Variants in TAF6L observed in about 807,000 individuals in gnomAD.
The protein encoded by TAF6L is TAF6-like RNA polymerase II p300/CBP-associated factor-associated factor 65 kDa subunit 6L.
TAF6L carries 34 observed loss-of-function variants against 57.3 expected under a neutral mutation model. The ratio of observed to expected loss-of-function variants is 0.59; its 90% CI spans 0.45 to 0.79. TAF6L has a LOEUF of 0.79. Ranked by LOEUF, TAF6L falls within the 30% of genes least tolerant of loss-of-function variation. The probability of loss-of-function intolerance (pLI) is 0.00; values close to 1 mark genes in which losing one functional copy is unlikely to be tolerated. For missense variants in TAF6L, 782 were observed against 853.2 expected (o/e 0.92, Z 1.04); for synonymous variants, 417 against 376.3 (o/e 1.11, Z -1.25).
At chr11:62,775,699 G>T in intron 1 of TAF6L, 72 bp from the exon 2 acceptor site, 5 of 1,479,964 alleles carry the variant, frequency 3.4e-6, no homozygotes, top group Non-Finnish European at 4.5e-6. Context: ...CTGGTGTGGA[G>T]GGTGTTGGAT....
rs772078339 is a variant in TAF6L at position 62,787,283 on chromosome 11, A to G, written c.1856A>G (p.Tyr619Cys). 1 of 1,546,722 alleles carries G rather than the reference A, an allele frequency of 6.5e-7. No homozygotes were observed. The highest frequency in any genetic ancestry group is 8.7e-7 in the Non-Finnish European group (1 of 1,153,846). ...TGGGCGCTCTCGGACTACTCGCTGT[A>G]CTTGCCGCTCTGAGTCAGTGGCCCC... The part of the protein sequence containing the change: ...RRWALSDYSL[Y>C]LPL The change falls in exon 11 of 11, where the codon TAC (tyrosine) becomes TGC (cysteine). Residue 619 changes from tyrosine (Y) to cysteine (C), a missense_variant. Tyr to Cys is a radical substitution (Grantham distance 194). Coordinates refer to ENST00000294168, the MANE Select transcript of TAF6L (RefSeq NM_006473.4).
intron 1 of TAF6L, among the ~76,000 whole-genome samples, chr11:62,773,874 AT>A (rs1457599219): frequency 6.6e-6 from 1 of 152,048 alleles, no homozygotes; most frequent in Non-Finnish European, 1.5e-5. Flanking sequence ...AGACAAAGGG[AT>A]TGGGGGTGGA....
chr11:62,777,691 A>T (rs1392721497), intron 3 of TAF6L, among the ~76,000 whole-genome samples: 1 of 152,160 alleles, frequency 6.6e-6, no homozygotes, highest in East Asian at 1.9e-4. Context: ...GAGTTTTCAA[A>T]GTTGAGTGAG....
At chr11:62,771,531 G>C (rs1039106837) in intron 1 of TAF6L, 41 bp downstream of exon 1, 1 of 158,420 alleles carries the variant, frequency 6.3e-6, no homozygotes, top group Non-Finnish European at 1.4e-5. Context: ...CCCCATTCCC[G>C]ACGCCGACTG....
intron 1 of TAF6L, chr11:62,774,815 G>T: frequency 3.1e-6 from 1 of 321,070 alleles, no homozygotes. Context: ...TGGGCGTGGT[G>T]GCACGTGCCT....
chr11:62,778,093 A>G lies in TAF6L; in HGVS notation c.350A>G (p.Asn117Ser). The G allele has an allele frequency of 1.2e-6, 2 of 1,614,132 alleles. No homozygotes were observed. The highest frequency in any genetic ancestry group is 1.7e-6 in the Non-Finnish European group (2 of 1,180,032). ...VNLVELALAT[N>S]IPKGCAETAV... ...CTGGTGGAGCTGGCCCTGGCTACCA[A>G]CATCCCCAAAGGCTGTGCTGAGACA... The change falls in exon 4 of 11, where the codon AAC (asparagine) becomes AGC (serine). Residue 117 changes from asparagine to serine, a missense_variant. Asn to Ser is a conservative substitution (Grantham distance 46). This residue lies in a region of TAF6L where 220 missense variants were observed against 252.1 expected (regional missense o/e 0.87). Transcript: ENST00000294168.
At chr11:62,782,403 G>A in intron 8 of TAF6L, 70 bp downstream of exon 8, 1 of 1,512,986 alleles carries the variant, frequency 6.6e-7, no homozygotes, top group Non-Finnish European at 9.0e-7. Flanking sequence ...AGGAAATGGG[G>A]CGAAGCCTCT....
In TAF6L at chr11:62,779,979, T is replaced by A. The variant is rs1186793751; in HGVS notation, c.531+1016T>A. Among the ~76,000 whole-genome samples the A allele has an allele frequency of 5.1e-3, 511 of 100,614 alleles. 2 individuals carry two copies. The highest frequency in any genetic ancestry group is 0.018 in the South Asian group (46 of 2,626). The allele number at this position is 100,614 out of a possible 152,430, so 66.0% of individuals were successfully genotyped here. A position where few individuals can be genotyped will look rare whatever the true frequency, so the allele number is the denominator to read the frequency against. ...ATATATATATATATATATATATATT[T>A]TTTTTTTTTTTTTTTTTAGAGACAG... is the stretch of plus-strand genomic sequence containing the variant. On this transcript the variant is annotated intron_variant, in intron 6 of 10. Transcript: ENST00000294168.
At chr11:62,783,279 G>A (rs553453255) in intron 9 of TAF6L, among the ~76,000 whole-genome samples, 2 of 152,194 alleles carry the variant, frequency 1.3e-5, no homozygotes, top group African/African-American at 2.4e-5. Context: ...TCAGGAGATC[G>A]AAACCATCCT....
At chr11:62,775,241 T>A (rs1271159344) in intron 1 of TAF6L, among the ~76,000 whole-genome samples, 3 of 152,152 alleles carry the variant, frequency 2.0e-5, no homozygotes, top group Non-Finnish European at 4.4e-5. Context: ...AAGCTCTTTA[T>A]AAAACCATTA....
chr11:62,771,524 C>G (rs936786021), intron 1 of TAF6L, 34 bp downstream of exon 1: 1 of 159,154 alleles, frequency 6.3e-6, no homozygotes, highest in East Asian at 1.9e-4. Flanking sequence ...AAGGACTCCC[C>G]ATTCCCGACG....
intron 5 of TAF6L, 145 bp downstream of exon 5, chr11:62,778,480 C>T: frequency 1.0e-6 from 1 of 955,666 alleles, no homozygotes; most frequent in Non-Finnish European, 1.6e-6. Flanking sequence ...GCGCTGGGCT[C>T]TGCATGGAGG....
At chr11:62,772,740 G>A (rs1157470544) in intron 1 of TAF6L, among the ~76,000 whole-genome samples, 2 of 150,192 alleles carry the variant, frequency 1.3e-5, no homozygotes, top group Non-Finnish European at 3.0e-5. Flanking sequence ...GGAGGTTTTA[G>A]TGAGCCGAGA....
intron 1 of TAF6L, among the ~76,000 whole-genome samples, chr11:62,774,906 A>G (rs1470093321): frequency 1.3e-5 from 2 of 150,718 alleles, no homozygotes; most frequent in Non-Finnish European, 3.0e-5. Context: ...AAAAAAAAAA[A>G]AAAATTTAGC....
intron 1 of TAF6L, among the ~76,000 whole-genome samples, chr11:62,772,452 G>A (rs1291588373): frequency 6.6e-6 from 1 of 151,766 alleles, no homozygotes; most frequent in Non-Finnish European, 1.5e-5. Flanking sequence ...GAACCAGGGA[G>A]GCAGAGGTTG....
intron 6 of TAF6L, among the ~76,000 whole-genome samples, chr11:62,781,239 G>T (rs111386607): frequency 1.9e-5 from 2 of 105,504 alleles, no homozygotes; most frequent in Non-Finnish European, 3.7e-5. Flanking sequence ...CCATCTCAAA[G>T]AAAAAAAAAA....
Position 62,780,557 on chromosome 11 carries a change from G to A in TAF6L, c.532-1337G>A, listed in dbSNP as rs1024149839. Among the ~76,000 whole-genome samples, 8 of 151,974 alleles carry A rather than the reference G, an allele frequency of 5.3e-5. No individual in the cohort carries two copies. In the East Asian group the frequency reaches 1.4e-3, roughly 26 times the overall value. On this transcript the variant is annotated intron_variant, in intron 6 of 10. Transcript: ENST00000294168. The stretch of plus-strand genomic sequence containing the variant: ...TGCACTCCAGCCTGGCTGATAGAAC[G>A]AAACTCCGTCTCAAAGAAAAACGAA...
At chr11:62,780,027 T>G (rs2084217071) in intron 6 of TAF6L, among the ~76,000 whole-genome samples, 2 of 141,614 alleles carry the variant, frequency 1.4e-5, no homozygotes, top group Admixed American at 1.5e-4. Context: ...TTGCCCAGGC[T>G]GGTGAAACTC....
intron 5 of TAF6L, 96 bp downstream of exon 5, chr11:62,778,431 G>T: frequency 7.0e-7 from 1 of 1,436,774 alleles, no homozygotes; most frequent in Non-Finnish European, 9.7e-7. Flanking sequence ...CGTCTAACAT[G>T]TGTTTACCCA....
Sources: gnomAD v4.1 joint callset for allele counts (sites outside exome capture counted in the v4.1 genomes callset) on GRCh38, gnomAD v4.1.1 for gene constraint, gnomAD v4.1.1 regional missense constraint, MANE v1.5 for transcripts, NCBI Gene and HGNC (gene_info 2026-07-23, HGNC 2026-07-21) for gene names.